Variants in TOP2A observed in about 807,000 individuals in gnomAD.
TOP2A encodes DNA topoisomerase 2-alpha.
A neutral mutation model predicts 187.2 loss-of-function variants in TOP2A; 68 were observed. The ratio of observed to expected loss-of-function variants is 0.36; its 90% CI spans 0.30 to 0.44. TOP2A has a LOEUF of 0.44. Among genes scored for constraint, TOP2A ranks in the 20% least tolerant of loss-of-function variants. The probability of loss-of-function intolerance (pLI) is 1.00; values close to 1 mark genes in which losing one functional copy is unlikely to be tolerated. For synonymous variants in TOP2A, 542 were observed against 593.2 expected, an observed-to-expected ratio of 0.91 and a Z score of 1.25; for missense variants, 1,196 against 1,808.7, an observed-to-expected ratio of 0.66 and a Z score of 6.14.
rs554469514 is a variant in TOP2A, at chr17:40,414,898, C to T, written c.332+1107G>A. On this transcript the variant is annotated intron_variant, in intron 4 of 34. Transcript: ENST00000423485. ...AAGGAAAACCAATATCAATCATAAA[C>T]TGCCTTGCTCTCAAATAAAATGCTG... 1.0e-3 allele frequency among the ~76,000 whole-genome samples: 151 copies of T among 147,020 alleles called. No individual in the cohort carries two copies. The Middle Eastern group carries it at 0.011, about 11-fold the overall frequency.
chr17:40,398,723 T>C (rs367786108), intron 26 of TOP2A, 50 bp downstream of exon 26: 2 of 1,604,450 alleles, frequency 1.2e-6, no homozygotes, highest in Non-Finnish European at 8.5e-7. Flanking sequence ...ACTTTTACCA[T>C]TAGAATAGAA....
In TOP2A at chr17:40,406,679, T is replaced by G. The variant is rs2035249286; in HGVS notation, c.1748A>C (p.Asn583Thr). 1.2e-6 allele frequency: 2 copies of G among 1,612,062 alleles called. No homozygotes were observed. The highest frequency in any genetic ancestry group is 2.7e-5 in the African/African-American group (2 of 74,788). ...FITPIVKVSK[N>T]KQEMAFYSLP... is the part of the protein sequence containing the mutation. Reference sequence around the variant, plus strand: ...GCTGTAAAATGCCATTTCTTGCTTGTTTTTAGATACCTGTGATAAAAAACA... The same window carrying G: ...GCTGTAAAATGCCATTTCTTGCTTGGTTTTAGATACCTGTGATAAAAAACA... The change falls in exon 15 of 35, where the codon AAC becomes ACC. Residue 583 changes from asparagine (N) to threonine (T), a missense_variant. Physicochemically the swap from Asn to Thr is moderately conservative, Grantham distance 65. Coordinates refer to ENST00000423485, the MANE Select transcript of TOP2A (RefSeq NM_001067.4).
At chr17:40,412,656 A>G (rs770737747) in intron 7 of TOP2A, 103 bp downstream of exon 7, 2 of 990,162 alleles carry the variant, frequency 2.0e-6, no homozygotes, top group Non-Finnish European at 3.0e-6. Context: ...ACAAACAAAC[A>G]AACAAACAAA....
intron 28 of TOP2A, 101 bp downstream of exon 28, chr17:40,396,182 A>G: frequency 1.6e-6 from 1 of 617,162 alleles, no homozygotes; most frequent in South Asian, 2.3e-5. Context: ...GGTTTCAACC[A>G]TGTTGGGAGG....
At position 40,407,987 on chromosome 17, in the gene TOP2A, G is replaced by T; in HGVS notation, c.1480C>A (p.Arg494=). The change falls in exon 12 of 35, where the codon CGA becomes AGA. Residue 494 remains arginine (R), a synonymous_variant. Transcript: ENST00000423485. ...TCTACCTGCTTATGAGAAGCTTCTC[G>T]AACATTGAGTATTTTTCCTCTAAGA... The part of the protein sequence containing the change: ...FPLRGKILNV[R]EASHKQIMEN... 6.2e-7 allele frequency: 1 copy of T among 1,612,430 alleles called. No homozygotes were observed. The highest frequency in any genetic ancestry group is 1.1e-5 in the South Asian group (1 of 90,874).
rs1483514385 is a variant in TOP2A, at chr17:40,400,625, T to C, written c.2703A>G (p.Glu901=). The change falls in exon 22 of 35, where the codon GAA becomes GAG. Residue 901 remains glutamate (E), a synonymous_variant. Coordinates refer to ENST00000423485, the MANE Select transcript of TOP2A (RefSeq NM_001067.4). ...SYKNFKGTIE[E]LAPNQYVISG... is the part of the protein sequence containing the mutation. ...TAATCACATATTGATTTGGAGCCAGTTCTTCAATAGTACCCTTGAAGTTCT... is the reference window on the plus strand; with the variant it reads ...TAATCACATATTGATTTGGAGCCAGCTCTTCAATAGTACCCTTGAAGTTCT... The C allele has an allele frequency of 6.2e-7, 1 of 1,608,644 alleles. No homozygotes were observed. The highest frequency in any genetic ancestry group is 1.1e-5 in the South Asian group (1 of 89,228).
At chr17:40,414,764 G>A (rs1215898438) in intron 4 of TOP2A, among the ~76,000 whole-genome samples, 1 of 150,336 alleles carries the variant, frequency 6.7e-6, no homozygotes, top group Admixed American at 6.6e-5. Context: ...GCTGAGGCAG[G>A]AGAATTGCTT....
intron 13 of TOP2A, 150 bp downstream of exon 13, chr17:40,407,399 T>C: frequency 4.9e-6 from 3 of 612,364 alleles, no homozygotes; most frequent in Non-Finnish European, 8.0e-6. Context: ...AACATACATA[T>C]GATATAAGCA....
chr17:40,410,359 G>A (rs1304278764), intron 10 of TOP2A, among the ~76,000 whole-genome samples: 1 of 152,134 alleles, frequency 6.6e-6, no homozygotes, highest in African/African-American at 2.4e-5. Context: ...GACAATATAC[G>A]AAAAACTGGC....
chr17:40,416,044 C>T lies in TOP2A; in HGVS notation c.293G>A (p.Arg98Lys). The T allele has an allele frequency of 1.3e-6, 2 of 1,589,158 alleles. No individual in the cohort carries two copies. Among genetic ancestry groups the T allele is most frequent in the Non-Finnish European group, 1.7e-6 (2 of 1,165,650 alleles). ...ILVNAADNKQ[R>K]DPKMSCIRVT... ...TCTAATACAAGACATTTTTGGGTCC[C>T]TTTGTTTGTTGTCCGCAGCATTAAC... The change falls in exon 4 of 35, where the codon AGG (arginine) becomes AAG (lysine). Residue 98 changes from arginine to lysine, a missense_variant. Physicochemically the swap from Arg to Lys is conservative, Grantham distance 26 (BLOSUM62 2). This residue lies in a region of TOP2A where 97 missense variants were observed against 171.0 expected (regional missense o/e 0.57). Coordinates refer to ENST00000423485, the MANE Select transcript of TOP2A (RefSeq NM_001067.4).
chr17:40,391,553 T>C lies in TOP2A; in HGVS notation c.4220A>G (p.Asn1407Ser). The change falls in exon 33 of 35, where the codon AAC (asparagine) becomes AGC (serine). Residue 1407 changes from asparagine (N) to serine (S), a missense_variant. Asn to Ser is a conservative substitution (Grantham distance 46). This residue lies in a region of TOP2A where 374 missense variants were observed against 403.3 expected (regional missense o/e 0.93). Transcript: ENST00000423485. ...THFPDETEIT[N>S]PVPKKNVTVK... is the part of the protein sequence containing the mutation. ...TGTCACATTCTTTTTAGGAACTGGG[T>C]TTGTAATTTCAGTTTCATCTGGGAA... 6.2e-7 allele frequency: 1 copy of C among 1,613,408 alleles called. No homozygotes were observed. Among genetic ancestry groups the C allele is most frequent in the African/African-American group, 1.3e-5 (1 of 75,034 alleles).
intron 29 of TOP2A, among the ~76,000 whole-genome samples, chr17:40,394,595 AGTGCTGGGATTACAG>A (rs1222461523): frequency 6.6e-5 from 10 of 152,206 alleles, no homozygotes; most frequent in Admixed American, 6.5e-4. Flanking sequence ...AGCCTCCCAA[AGTGCTGGGATTACAG>A]GCATAAGCCA....
intron 29 of TOP2A, among the ~76,000 whole-genome samples, chr17:40,394,038 C>T (rs917416000): frequency 4.8e-5 from 7 of 146,970 alleles, no homozygotes; most frequent in African/African-American, 1.5e-4. Context: ...TGCATGCCAG[C>T]CTGGGCGACA....
chr17:40,391,980 C>A, intron 32 of TOP2A, 88 bp downstream of exon 32: 2 of 1,383,206 alleles, frequency 1.4e-6, no homozygotes, highest in Non-Finnish European at 2.0e-6. Context: ...AAAGGAAGTA[C>A]TTGGATAATG....
Position 40,389,582 on chromosome 17 carries a change from T to G in TOP2A, c.4533A>C (p.Lys1511Asn), listed in dbSNP as rs370574626. 89 of 1,605,414 alleles carry G rather than the reference T, an allele frequency of 5.5e-5. No homozygotes were observed. Among genetic ancestry groups the G allele is most frequent in the Middle Eastern group, 1.6e-4 (1 of 6,076 alleles). The change falls in exon 35 of 35, where the codon AAA becomes AAC. Residue 1511 changes from lysine to asparagine, a missense_variant. This residue lies in a region of TOP2A where 374 missense variants were observed against 403.3 expected (regional missense o/e 0.93). Transcript: ENST00000423485. ...TTATAGGTTTCTTTGCCCGTACAGA[T>G]TTTGCCCGAGGAGCCACAGCTGAGT... ...DFDSAVAPRA[K>N]SVRAKKPIKY...
At chr17:40,389,888 A>G in intron 34 of TOP2A, 77 bp downstream of exon 34, 1 of 1,439,586 alleles carries the variant, frequency 6.9e-7, no homozygotes. Context: ...AAGATATGCC[A>G]AATTTTTAAG....
chr17:40,404,993 T>TC (rs1393349410), intron 16 of TOP2A, 110 bp from the exon 17 acceptor site: 2 of 514,352 alleles, frequency 3.9e-6, no homozygotes, highest in East Asian at 7.9e-5. Context: ...TGTTTTCCTT[T>TC]TTTTTTTTTT....
intron 3 of TOP2A, 142 bp downstream of exon 3, chr17:40,416,280 G>A: frequency 2.8e-6 from 2 of 716,826 alleles, no homozygotes; most frequent in Non-Finnish European, 4.6e-6. Flanking sequence ...TCAACTGATT[G>A]AAATGACAGG....
intron 3 of TOP2A, 27 bp downstream of exon 3, chr17:40,416,395 G>T (rs561362194): frequency 2.2e-6 from 3 of 1,362,412 alleles, no homozygotes; most frequent in African/African-American, 2.9e-5. Context: ...GATTTGACCA[G>T]ATCTTTATAT....
Sources: allele counts gnomAD v4.1 joint callset (sites outside exome capture counted in the v4.1 genomes callset), GRCh38; gene constraint gnomAD v4.1.1; regional missense constraint gnomAD v4.1.1; transcripts MANE v1.5; gene names NCBI Gene and HGNC (gene_info 2026-07-23, HGNC 2026-07-21).